Variants in CEP20 observed in about 807,000 individuals in gnomAD.
CEP20 encodes the protein centrosomal protein 20.
A neutral mutation model predicts 20.0 loss-of-function variants in CEP20; 18 were observed. The observed-to-expected ratio is 0.90, with a 90% CI of 0.62 to 1.34. The LOEUF is 1.34. Ranked by LOEUF, CEP20 falls within the 40% of genes most tolerant of loss-of-function variation. The pLI, the probability that CEP20 is intolerant of heterozygous loss-of-function variation, is 0.00. For missense variants in CEP20, 215 were observed against 201.6 expected (o/e 1.07, Z -0.40); for synonymous variants, 77 against 73.7 (o/e 1.04, Z -0.23).
intron 1 of CEP20, among the ~76,000 whole-genome samples, chr16:15,886,385 A>G (rs4303510): frequency 0.18 from 26,850 of 151,998 alleles, 2,262 homozygotes; most frequent in East Asian, 0.22. Flanking sequence ...AGAGTTTGTA[A>G]CAGGTCCATA....
intron 3 of CEP20, 44 bp downstream of exon 3, chr16:15,879,760 G>T: frequency 1.8e-6 from 2 of 1,096,084 alleles, no homozygotes; most frequent in South Asian, 2.7e-5. Flanking sequence ...GTGCAATTAT[G>T]ACTCAATACA....
Position 15,865,885 on chromosome 16 carries a change from C to A in CEP20, c.*1555G>T, listed in dbSNP as rs1250171625. On this transcript the variant is annotated 3_prime_UTR_variant, in exon 5 of 5. Transcript: ENST00000255759. ...ATATCAGTATCCAAAATTATATACT[C>A]CAGCATTTTTTCCGAATATAGTCTT... is the stretch of plus-strand genomic sequence containing the variant. 2.0e-5 allele frequency: 3 copies of A among 152,148 alleles called. No homozygotes were observed. Among genetic ancestry groups the A allele is most frequent in the African/African-American group, 7.2e-5 (3 of 41,436 alleles). 9.4% of individuals were successfully genotyped at this position (152,148 alleles called of 1,614,324 possible). A position where few individuals can be genotyped will look rare whatever the true frequency, so the allele number is the denominator to read the frequency against.
In CEP20 at chr16:15,867,362, T is replaced by G; in HGVS notation, c.*78A>C. 9.0e-7 allele frequency: 1 copy of G among 1,111,330 alleles called. No individual in the cohort carries two copies. Among genetic ancestry groups the G allele is most frequent in the Non-Finnish European group, 1.2e-6 (1 of 806,478 alleles). The allele number at this position is 1,111,330 out of a possible 1,614,324, so 68.8% of individuals were successfully genotyped here. ...ATTTCTACAAACATTAGTGGTGCAT[T>G]TTGGTAACATTGGGACAATAAATAA... is the stretch of plus-strand genomic sequence containing the variant. On this transcript the variant is annotated 3_prime_UTR_variant, in exon 5 of 5. Coordinates refer to ENST00000255759, the MANE Select transcript of CEP20 (RefSeq NM_144600.4).
Position 15,867,079 on chromosome 16 carries a change from A to C in CEP20, c.*361T>G, listed in dbSNP as rs1482022519. 4 of 178,988 alleles carry C rather than the reference A, an allele frequency of 2.2e-5. No individual in the cohort carries two copies. Among genetic ancestry groups the C allele is most frequent in the African/African-American group, 9.5e-5 (4 of 41,994 alleles). The allele number at this position is 178,988 out of a possible 1,614,324, so 11.1% of individuals were successfully genotyped here. On this transcript the variant is annotated 3_prime_UTR_variant, in exon 5 of 5. Coordinates refer to ENST00000255759, the MANE Select transcript of CEP20 (RefSeq NM_144600.4). ...AAAAACTACTCCGGTGTGGTGGCAC[A>C]GGCCTGTTTTCCCAGCTACTTGGGA...
At chr16:15,886,325 C>T (rs2045247222) in intron 1 of CEP20, among the ~76,000 whole-genome samples, 1 of 152,194 alleles carries the variant, frequency 6.6e-6, no homozygotes, top group South Asian at 2.1e-4. Flanking sequence ...ATTTTTAAAG[C>T]ATCCCTTCAA....
At chr16:15,880,809 T>C (rs1221045325) in intron 2 of CEP20, among the ~76,000 whole-genome samples, 2 of 151,946 alleles carry the variant, frequency 1.3e-5, no homozygotes, top group Non-Finnish European at 2.9e-5. Flanking sequence ...AGAATTAGAT[T>C]CTCATAGAAG....
rs34250443 is a variant in CEP20 at position 15,867,973 on chromosome 16, CAAAA to C, written c.449-461_449-458del. Among the ~76,000 whole-genome samples the C allele has an allele frequency of 3.4e-4, 24 of 69,624 alleles. No individual in the cohort carries two copies. The East Asian group carries it at 5.7e-3, about 16-fold the overall frequency. The allele number at this position is 69,624 out of a possible 152,430, so 45.7% of individuals were successfully genotyped here. A position where few individuals can be genotyped will look rare whatever the true frequency, so the allele number is the denominator to read the frequency against. On this transcript the variant is annotated intron_variant, in intron 4 of 4. Coordinates refer to ENST00000255759, the MANE Select transcript of CEP20 (RefSeq NM_144600.4). ...GGGCAACAAGAGTGAAACTCGGTCT[CAAAA>C]AAAAAAAAAAAAAAAAGAAAGAAAT...
At chr16:15,886,676 A>G (rs1459294016) in intron 1 of CEP20, among the ~76,000 whole-genome samples, 1 of 152,230 alleles carries the variant, frequency 6.6e-6, no homozygotes, top group African/African-American at 2.4e-5. Flanking sequence ...TCTCAGAGAT[A>G]GAACCAAGTA....
chr16:15,876,718 T>C (rs2044958931), intron 3 of CEP20, among the ~76,000 whole-genome samples: 3 of 152,160 alleles, frequency 2.0e-5, no homozygotes, highest in Admixed American at 2.0e-4. Context: ...GAGTAATATG[T>C]GACTATGGCA....
In CEP20 at chr16:15,867,107, C is replaced by T. The variant is rs1256916588; in HGVS notation, c.*333G>A. The T allele has an allele frequency of 5.5e-6, 1 of 183,268 alleles. No homozygotes were observed. Among genetic ancestry groups the T allele is most frequent in the Non-Finnish European group, 1.2e-5 (1 of 86,784 alleles). The allele number at this position is 183,268 out of a possible 1,614,324, so 11.4% of individuals were successfully genotyped here. On this transcript the variant is annotated 3_prime_UTR_variant, in exon 5 of 5. Coordinates refer to ENST00000255759, the MANE Select transcript of CEP20 (RefSeq NM_144600.4). ...CCTGTTTTCCCAGCTACTTGGGAGG[C>T]TGAGGCAGGAGAATCACTTGAATCC...
At chr16:15,881,014 C>T (rs35823718) in intron 2 of CEP20, among the ~76,000 whole-genome samples, 10,501 of 152,006 alleles carry the variant, frequency 0.069, 478 homozygotes, top group East Asian at 0.22. Context: ...TATTACAACA[C>T]AATCATAGAA....
intron 3 of CEP20, 84 bp downstream of exon 3, chr16:15,879,720 C>T: frequency 2.6e-6 from 2 of 777,444 alleles, no homozygotes; most frequent in Non-Finnish European, 4.2e-6. Flanking sequence ...TGAATAAATA[C>T]TTGAATTAAA....
At chr16:15,881,222 T>C (rs1042856665) in intron 2 of CEP20, among the ~76,000 whole-genome samples, 1 of 152,186 alleles carries the variant, frequency 6.6e-6, no homozygotes, top group Non-Finnish European at 1.5e-5. Flanking sequence ...GTAAATTTTA[T>C]TGTATGTAAA....
intron 2 of CEP20, among the ~76,000 whole-genome samples, chr16:15,882,474 G>A (rs1255705078): frequency 6.6e-6 from 1 of 151,948 alleles, no homozygotes; most frequent in Non-Finnish European, 1.5e-5. Context: ...ACGTTGCAGT[G>A]AGCCGAGATC....
chr16:15,882,788 C>CAT (rs2045137562), intron 2 of CEP20, among the ~76,000 whole-genome samples: 1 of 150,502 alleles, frequency 6.6e-6, no homozygotes, highest in African/African-American at 2.5e-5. Flanking sequence ...TCTAGATACA[C>CAT]ACACACACAC....
rs2044708101 is a variant in CEP20 at position 15,867,479 on chromosome 16, G to T, written c.486C>A (p.Asn162Lys). Residue 162 changes from asparagine (N) to lysine (K), a missense_variant, in exon 5 of 5, where the codon AAC becomes AAA. By Grantham distance (94) the Asn-to-Lys change is moderately conservative. Transcript: ENST00000255759. ...CCTGAGAAACATGAAGATCTTCAATGTTAGTACTTTTCTGTTCCTCCTTTC... is the reference window on the plus strand; with the variant it reads ...CCTGAGAAACATGAAGATCTTCAATTTTAGTACTTTTCTGTTCCTCCTTTC... Reference protein sequence around the residue: ...HLRKEEQKSTNIEDLHVSQAV... With the variant: ...HLRKEEQKSTKIEDLHVSQAV... 1 of 1,604,812 alleles carries T rather than the reference G, an allele frequency of 6.2e-7. No individual in the cohort carries two copies. Among genetic ancestry groups the T allele is most frequent in the African/African-American group, 1.3e-5 (1 of 74,794 alleles).
intron 4 of CEP20, among the ~76,000 whole-genome samples, chr16:15,867,891 T>C (rs1419519093): frequency 6.7e-6 from 1 of 148,844 alleles, no homozygotes; most frequent in Non-Finnish European, 1.5e-5. Context: ...GAGAATTGCT[T>C]GAACCTGGGA....
chr16:15,865,728 TA>T lies in CEP20; in HGVS notation c.*1711del, dbSNP rs1299951840. On this transcript the variant is annotated 3_prime_UTR_variant, in exon 5 of 5. Transcript: ENST00000255759. ...ACCCTTTGCACCAAAGTGACTTGCTTATTTTTTTTATTAAATGATACATTGA... is the reference window on the plus strand; with the variant it reads ...ACCCTTTGCACCAAAGTGACTTGCTTTTTTTTTTATTAAATGATACATTGA... 1 of 152,174 alleles carries T rather than the reference TA, an allele frequency of 6.6e-6. No homozygotes were observed. Among genetic ancestry groups the T allele is most frequent in the Non-Finnish European group, 1.5e-5 (1 of 68,032 alleles). 9.4% of individuals were successfully genotyped at this position (152,174 alleles called of 1,614,324 possible).
intron 4 of CEP20, among the ~76,000 whole-genome samples, chr16:15,869,628 T>C (rs1197685991): frequency 6.6e-6 from 1 of 152,146 alleles, no homozygotes; most frequent in Non-Finnish European, 1.5e-5. Flanking sequence ...TATTTTCAAG[T>C]AAAAGCCAAT....
Sources: gnomAD v4.1 joint callset for allele counts (sites outside exome capture counted in the v4.1 genomes callset) on GRCh38, gnomAD v4.1.1 for gene constraint, MANE v1.5 for transcripts, NCBI Gene and HGNC (gene_info 2026-07-23, HGNC 2026-07-21) for gene names.